Variants in LOXHD1 observed in about 807,000 individuals in gnomAD.
LOXHD1 encodes lipoxygenase homology domain-containing protein 1.
Under a neutral mutation model 248.2 loss-of-function variants are expected in LOXHD1, and 205 were observed. The ratio of observed to expected loss-of-function variants is 0.83; its 90% CI spans 0.74 to 0.93. The LOEUF is 0.93. LOXHD1 is among the 40% of genes least tolerant of loss of function. The pLI, the probability that LOXHD1 is intolerant of heterozygous loss-of-function variation, is 0.00. For missense variants in LOXHD1, 2,930 were observed against 2,971.6 expected, an observed-to-expected ratio of 0.99 and a Z score of 0.33; for synonymous variants, 1,113 against 1,162.8, an observed-to-expected ratio of 0.96 and a Z score of 0.87.
intron 7 of LOXHD1, 41 bp downstream of exon 7, chr18:46,604,065 A>G (rs559124437): frequency 3.2e-6 from 5 of 1,550,442 alleles, no homozygotes; most frequent in Non-Finnish European, 4.4e-6. Context: ...TTAGGCAGAA[A>G]GTGAAATACC....
chr18:46,497,486 G>T (rs1044661812), intron 37 of LOXHD1, among the ~76,000 whole-genome samples: 10 of 152,134 alleles, frequency 6.6e-5, no homozygotes, highest in African/African-American at 1.7e-4. Flanking sequence ...GGGGGCAGCT[G>T]GCATTGGAGG....
At chr18:46,566,794 G>A (rs1027354894) in intron 16 of LOXHD1, among the ~76,000 whole-genome samples, 6 of 152,216 alleles carry the variant, frequency 3.9e-5, no homozygotes, top group African/African-American at 1.4e-4. Flanking sequence ...GAAAGCAAAT[G>A]TTTAAAATGT....
chr18:46,643,332 G>A (rs905272824), intron 2 of LOXHD1, among the ~76,000 whole-genome samples: 13 of 152,204 alleles, frequency 8.5e-5, no homozygotes, highest in Non-Finnish European at 1.5e-4. Context: ...CTTAGGAAGG[G>A]AGGGAGGAAG....
intron 23 of LOXHD1, 145 bp downstream of exon 23, chr18:46,545,172 A>T: frequency 3.1e-6 from 2 of 635,110 alleles, no homozygotes; most frequent in South Asian, 4.1e-5. Context: ...AAAAAAAGGA[A>T]CTGCCTTTCT....
intron 14 of LOXHD1, among the ~76,000 whole-genome samples, chr18:46,574,070 C>T (rs971947558): frequency 6.6e-6 from 1 of 152,052 alleles, no homozygotes; most frequent in African/African-American, 2.4e-5. Flanking sequence ...GCCTGGGCAA[C>T]GCATTCACAG....
chr18:46,605,415 T>TCCTCAGGAGGCTG (rs1555685489), intron 6 of LOXHD1, among the ~76,000 whole-genome samples: 145 of 151,698 alleles, frequency 9.6e-4, no homozygotes, highest in African/African-American at 3.3e-3. Context: ...TAGTCTCAGC[T>TCCTCAGGAGGCTG]ACGCAGGAGA....
chr18:46,624,672 T>C (rs1268915927), intron 4 of LOXHD1, among the ~76,000 whole-genome samples: 1 of 152,140 alleles, frequency 6.6e-6, no homozygotes, highest in East Asian at 1.9e-4. Context: ...CACCCTCCCA[T>C]CATCACTTTG....
At chr18:46,555,097 G>A (rs1396085952) in intron 21 of LOXHD1, 1 of 470,844 alleles carries the variant, frequency 2.1e-6, no homozygotes, top group African/African-American at 2.0e-5. Flanking sequence ...GCCGAGAAAT[G>A]CCAAATCAGT....
chr18:46,532,386 A>T (rs551404686), intron 28 of LOXHD1, among the ~76,000 whole-genome samples: 5 of 152,284 alleles, frequency 3.3e-5, no homozygotes, highest in South Asian at 2.1e-4. Context: ...TTCTGGGAAA[A>T]GTGTGCGTGT....
At position 46,639,636 on chromosome 18, in the gene LOXHD1, T is replaced by A; in HGVS notation, c.491A>T (p.Asn164Ile). 1 of 1,551,574 alleles carries A rather than the reference T, an allele frequency of 6.4e-7. No homozygotes were observed. ...QWCRDLLASFNPMDMPRGNKY... is the reference protein window; with the variant it reads ...QWCRDLLASFIPMDMPRGNKY... ...CTGACCTCTGGGCATGTCCATGGGGTTGAAGCTGGCCAGCAGGTCACGGCA... is the reference window on the plus strand; with the variant it reads ...CTGACCTCTGGGCATGTCCATGGGGATGAAGCTGGCCAGCAGGTCACGGCA... Residue 164 changes from asparagine to isoleucine, a missense_variant, in exon 4 of 41, where the codon AAC becomes ATC. Transcript: ENST00000642948.
intron 38 of LOXHD1, among the ~76,000 whole-genome samples, chr18:46,485,519 C>T (rs1043222277): frequency 6.6e-6 from 1 of 152,006 alleles, no homozygotes; most frequent in Non-Finnish European, 1.5e-5. Context: ...GGGAAAGACC[C>T]AGGCAGGCAA....
At chr18:46,576,419 G>A (rs73431112) in intron 14 of LOXHD1, among the ~76,000 whole-genome samples, 1,825 of 151,704 alleles carry the variant, frequency 0.012, 34 homozygotes, top group African/African-American at 0.042. Flanking sequence ...CATGCCAGGC[G>A]CCCCTTGCCA....
At chr18:46,564,129 C>G (rs558462376) in intron 17 of LOXHD1, among the ~76,000 whole-genome samples, 1 of 151,716 alleles carries the variant, frequency 6.6e-6, no homozygotes, top group Non-Finnish European at 1.5e-5. Context: ...CACGCACACA[C>G]GCACACATGA....
chr18:46,571,451 C>T (rs753467092), intron 15 of LOXHD1, among the ~76,000 whole-genome samples: 3 of 152,146 alleles, frequency 2.0e-5, no homozygotes, highest in Non-Finnish European at 2.9e-5. Context: ...GCCTCGTTGA[C>T]AGAGTAAGAC....
At chr18:46,479,832 A>G (rs1338524234) in intron 40 of LOXHD1, among the ~76,000 whole-genome samples, 1 of 151,582 alleles carries the variant, frequency 6.6e-6, no homozygotes, top group East Asian at 1.9e-4. Context: ...AGGACTTTGC[A>G]TTCTTGAATC....
At chr18:46,604,807 G>T (rs1471305297) in intron 6 of LOXHD1, among the ~76,000 whole-genome samples, 1 of 152,148 alleles carries the variant, frequency 6.6e-6, no homozygotes, top group Non-Finnish European at 1.5e-5. Flanking sequence ...GTGCCTTCTA[G>T]AATACACCAA....
intron 23 of LOXHD1, among the ~76,000 whole-genome samples, chr18:46,543,911 G>T (rs939107763): frequency 3.3e-5 from 5 of 152,088 alleles, no homozygotes; most frequent in African/African-American, 1.2e-4. Flanking sequence ...AGAATCTCTG[G>T]AGCATCTTCT....
chr18:46,653,233 C>A lies in LOXHD1; in HGVS notation c.130+3671G>T, dbSNP rs539745818. ...CTGCACTCCAGCCTGGGTGACAGAG[C>A]GAGACTCCATCTCAAAAAAAAAGTT... On this transcript the variant is annotated intron_variant, in intron 1 of 40. Coordinates refer to ENST00000642948, the MANE Select transcript of LOXHD1 (RefSeq NM_001384474.1). 2.0e-5 allele frequency among the ~76,000 whole-genome samples: 3 copies of A among 152,018 alleles called. No homozygotes were observed. In the South Asian group the frequency reaches 6.2e-4, roughly 32 times the overall value.
At chr18:46,540,654 C>CTT (rs60099172) in intron 25 of LOXHD1, among the ~76,000 whole-genome samples, 1,772 of 91,338 alleles carry the variant, frequency 0.019, 56 homozygotes, top group African/African-American at 0.054. Context: ...AACTCTTTAT[C>CTT]TTTTTTTTTT....
Sources: allele counts gnomAD v4.1 joint callset (sites outside exome capture counted in the v4.1 genomes callset), GRCh38; gene constraint gnomAD v4.1.1; transcripts MANE v1.5; gene names NCBI Gene and HGNC (gene_info 2026-07-23, HGNC 2026-07-21).